NCAPG2: variants seen among roughly 807,000 people sequenced by gnomAD.
NCAPG2 encodes the protein non-SMC condensin II complex subunit G2.
Under a neutral mutation model 141.1 loss-of-function variants are expected in NCAPG2, and 53 were observed. That is an observed-to-expected ratio of 0.38 (90% CI 0.30 to 0.47). The LOEUF is 0.47. Ranked by LOEUF, NCAPG2 falls within the 20% of genes least tolerant of loss-of-function variation. The pLI is 0.99. For missense variants in NCAPG2, 1,087 were observed against 1,389.0 expected, an observed-to-expected ratio of 0.78 and a Z score of 3.46; for synonymous variants, 499 against 490.7, an observed-to-expected ratio of 1.02 and a Z score of -0.22.
At chr7:158,680,900 G>T in intron 9 of NCAPG2, 84 bp from the exon 10 acceptor site, 2 of 1,013,496 alleles carry the variant, frequency 2.0e-6, no homozygotes, top group Non-Finnish European at 2.9e-6. Context: ...GAGCAACAGG[G>T]AGAATTGTTC....
chr7:158,672,345 T>A (rs1833787447), intron 12 of NCAPG2, among the ~76,000 whole-genome samples: 1 of 107,686 alleles, frequency 9.3e-6, no homozygotes, highest in Non-Finnish European at 1.9e-5. Flanking sequence ...TTTTTTTTTT[T>A]TTTTTTTTTT....
intron 16 of NCAPG2, among the ~76,000 whole-genome samples, chr7:158,660,819 C>A (rs1046717999): frequency 6.6e-6 from 1 of 152,126 alleles, no homozygotes; most frequent in Admixed American, 6.5e-5. Context: ...ACGGGAGGGA[C>A]ACGGTGGTAG....
chr7:158,675,352 G>A, intron 12 of NCAPG2, 125 bp downstream of exon 12: 1 of 1,061,400 alleles, frequency 9.4e-7, no homozygotes, highest in Non-Finnish European at 1.3e-6. Context: ...TTGGATATAT[G>A]ACAGGTCAAA....
intron 11 of NCAPG2, 125 bp from the exon 12 acceptor site, chr7:158,675,781 C>G: frequency 1.0e-6 from 1 of 952,872 alleles, no homozygotes; most frequent in East Asian, 2.7e-5. Context: ...AAATACTGGA[C>G]ACATATGGAT....
chr7:158,646,662 T>C, intron 24 of NCAPG2, 99 bp from the exon 25 acceptor site: 2 of 699,546 alleles, frequency 2.9e-6, no homozygotes, highest in Non-Finnish European at 2.4e-6. Flanking sequence ...AGAAAAACTT[T>C]CTAGAAATTC....
chr7:158,658,198 A>G, intron 17 of NCAPG2, 140 bp downstream of exon 17: 1 of 592,744 alleles, frequency 1.7e-6, no homozygotes, highest in South Asian at 4.6e-5. Flanking sequence ...TCCCTACCAC[A>G]GGGAGAGGGA....
chr7:158,695,765 G>A (rs1835404190), intron 2 of NCAPG2, among the ~76,000 whole-genome samples: 1 of 152,264 alleles, frequency 6.6e-6, no homozygotes, highest in Non-Finnish European at 1.5e-5. Context: ...GCAAAGGCAG[G>A]GCAACACAAA....
chr7:158,664,948 C>T, intron 13 of NCAPG2, 198 bp from the exon 14 acceptor site: 1 of 558,196 alleles, frequency 1.8e-6, no homozygotes, highest in Non-Finnish European at 3.1e-6. Context: ...TTTAAAAGTA[C>T]TGTTATATAA....
At chr7:158,646,382 T>C (rs1362371296) in intron 25 of NCAPG2, 78 bp downstream of exon 25, 1 of 1,038,364 alleles carries the variant, frequency 9.6e-7, no homozygotes, top group South Asian at 1.5e-5. Context: ...AACTTGAGTG[T>C]AAAAGGAATA....
rs200412458 is a variant in NCAPG2 at position 158,655,240 on chromosome 7, C to T, written c.2524G>A (p.Val842Met). Residue 842 changes from valine (V) to methionine (M), a missense_variant, in exon 21 of 28, where the codon GTG becomes ATG. Transcript: ENST00000356309. ...LQHKFCSEGK[V>M]YLSMLEDTGF... ...GTGTCTTCCAACATGGACAAATACA[C>T]CTTTCCTTCTGAGCAGAACTGTCCA... The T allele has an allele frequency of 2.5e-5, 41 of 1,613,880 alleles. No individual in the cohort carries two copies. The African/African-American group carries it at 5.2e-4, about 20-fold the overall frequency.
At position 158,658,418 on chromosome 7, in the gene NCAPG2, AAAAAAG is replaced by A; in HGVS notation, c.1990-16_1990-11del. On this transcript the variant is annotated splice_polypyrimidine_tract_variant and intron_variant, in intron 16 of 27. Coordinates refer to ENST00000356309, the MANE Select transcript of NCAPG2 (RefSeq NM_017760.7). Reference sequence around the variant, plus strand: ...TCTTGCAGCGATCATCCTAAAAGCGAAAAAAGAAAAACAAAACAAAGCATATGTAAG... The same window carrying A: ...TCTTGCAGCGATCATCCTAAAAGCGAAAAAACAAAACAAAGCATATGTAAG... 3 of 1,600,018 alleles carry A rather than the reference AAAAAAG, an allele frequency of 1.9e-6. No homozygotes were observed. The highest frequency in any genetic ancestry group is 4.5e-5 in the East Asian group (2 of 44,666).
At chr7:158,664,346 A>C (rs1304725317) in intron 14 of NCAPG2, 50 bp from the exon 15 acceptor site, 1 of 1,554,654 alleles carries the variant, frequency 6.4e-7, no homozygotes, top group Non-Finnish European at 8.9e-7. Flanking sequence ...TCTTCTACAA[A>C]ATTAACTATC....
At chr7:158,693,068 A>G in intron 3 of NCAPG2, 112 bp from the exon 4 acceptor site, 1 of 856,058 alleles carries the variant, frequency 1.2e-6, no homozygotes, top group Non-Finnish European at 1.8e-6. Context: ...ATTCTAGCTT[A>G]TTCTAAAAAG....
intron 2 of NCAPG2, 143 bp from the exon 3 acceptor site, chr7:158,693,640 A>T (rs1455948963): frequency 4.4e-6 from 3 of 682,896 alleles, no homozygotes; most frequent in Non-Finnish European, 7.0e-6. Context: ...CCATTCCTAA[A>T]AGGGAAGAAG....
chr7:158,676,720 C>T (rs1201723750), intron 11 of NCAPG2, among the ~76,000 whole-genome samples: 2 of 152,102 alleles, frequency 1.3e-5, no homozygotes, highest in Non-Finnish European at 1.5e-5. Flanking sequence ...TTATGCATGA[C>T]ATTTTCTATT....
At chr7:158,655,852 C>G (rs1215565091) in intron 19 of NCAPG2, among the ~76,000 whole-genome samples, 1 of 139,374 alleles carries the variant, frequency 7.2e-6, no homozygotes, top group Non-Finnish European at 1.6e-5. Context: ...ATGACGGCCT[C>G]CGTGGGACAG....
chr7:158,694,119 C>G (rs1389964440), intron 2 of NCAPG2, among the ~76,000 whole-genome samples: 1 of 152,068 alleles, frequency 6.6e-6, no homozygotes, highest in Non-Finnish European at 1.5e-5. Flanking sequence ...TAAGCATAAA[C>G]GAGGCCAAGC....
chr7:158,646,219 ATAAC>A (rs1297246999), intron 25 of NCAPG2, among the ~76,000 whole-genome samples: 1 of 152,390 alleles, frequency 6.6e-6, no homozygotes, highest in Admixed American at 6.5e-5. Context: ...TATGAGAAGC[ATAAC>A]TAACCAGAGA....
intron 13 of NCAPG2, 23 bp from the exon 14 acceptor site, chr7:158,664,773 G>A (rs1832792705): frequency 6.3e-7 from 1 of 1,588,938 alleles, no homozygotes. Flanking sequence ...CACATATGCA[G>A]AAGGAAATAA....
Sources: gnomAD v4.1 joint callset for allele counts (sites outside exome capture counted in the v4.1 genomes callset) on GRCh38, gnomAD v4.1.1 for gene constraint, MANE v1.5 for transcripts, NCBI Gene and HGNC (gene_info 2026-07-23, HGNC 2026-07-21) for gene names.